Variants in GRB14 observed in about 807,000 individuals in gnomAD.
The protein encoded by GRB14 is growth factor receptor bound protein 14.
Under a neutral mutation model 69.1 loss-of-function variants are expected in GRB14, and 38 were observed. The observed-to-expected ratio is 0.55, with a 90% CI of 0.42 to 0.72. GRB14 has a LOEUF of 0.72. Ranked by LOEUF, GRB14 falls within the 30% of genes least tolerant of loss-of-function variation. The pLI, the probability that GRB14 is intolerant of heterozygous loss-of-function variation, is 0.00. For missense variants in GRB14, 666 were observed against 666.1 expected, an observed-to-expected ratio of 1.00 and a Z score of 0.00; for synonymous variants, 247 against 241.3, an observed-to-expected ratio of 1.02 and a Z score of -0.22.
In GRB14 at chr2:164,583,418, A is replaced by G. The variant is rs113280557; in HGVS notation, c.325-35602T>C. Reference sequence around the variant, plus strand: ...AAAAAGTAAATATACTGCTAATTCAAAGTGAATATTGAGTGGACATATTAA... The same window carrying G: ...AAAAAGTAAATATACTGCTAATTCAGAGTGAATATTGAGTGGACATATTAA... On this transcript the variant is annotated intron_variant, in intron 2 of 13. Transcript: ENST00000263915. 6.9e-4 allele frequency among the ~76,000 whole-genome samples: 105 copies of G among 152,362 alleles called. 1 individual carries two copies. Among genetic ancestry groups the G allele is most frequent in the African/African-American group, 2.4e-3 (100 of 41,584 alleles).
chr2:164,572,339 C>A (rs1456031319), intron 2 of GRB14, among the ~76,000 whole-genome samples: 1 of 152,180 alleles, frequency 6.6e-6, no homozygotes, highest in Non-Finnish European at 1.5e-5. Context: ...TGTATTCCCA[C>A]CTCTTTGTTC....
chr2:164,500,371 G>A (rs1687018356), intron 9 of GRB14, among the ~76,000 whole-genome samples: 2 of 151,940 alleles, frequency 1.3e-5, no homozygotes, highest in Admixed American at 6.6e-5. Flanking sequence ...ACCTGGAAAA[G>A]TTAGGAAAAG....
At chr2:164,504,711 G>A (rs540111172) in intron 8 of GRB14, among the ~76,000 whole-genome samples, 2 of 152,174 alleles carry the variant, frequency 1.3e-5, no homozygotes, top group Admixed American at 1.3e-4. Flanking sequence ...GTGGTAGGTA[G>A]AATAATGGTC....
chr2:164,546,840 C>T (rs1051165394), intron 3 of GRB14, among the ~76,000 whole-genome samples: 1 of 152,150 alleles, frequency 6.6e-6, no homozygotes, highest in African/African-American at 2.4e-5. Context: ...AAAGGAGACA[C>T]CAAATCAGAG....
chr2:164,509,971 A>G (rs1318979461), intron 6 of GRB14, among the ~76,000 whole-genome samples: 1 of 152,186 alleles, frequency 6.6e-6, no homozygotes, highest in Non-Finnish European at 1.5e-5. Context: ...TTTTAATCGA[A>G]TGAATGACTG....
intron 2 of GRB14, among the ~76,000 whole-genome samples, chr2:164,611,254 C>G (rs1690161129): frequency 6.6e-6 from 1 of 152,000 alleles, no homozygotes; most frequent in African/African-American, 2.4e-5. Flanking sequence ...CTGAAAGTTC[C>G]CTATAACAAG....
intron 2 of GRB14, among the ~76,000 whole-genome samples, chr2:164,587,380 T>A (rs563259485): frequency 6.6e-6 from 1 of 152,282 alleles, no homozygotes; most frequent in East Asian, 1.9e-4. Context: ...TGCTGGATGT[T>A]CATTATCTAA....
At chr2:164,529,974 A>G (rs551006713) in intron 3 of GRB14, among the ~76,000 whole-genome samples, 1 of 152,230 alleles carries the variant, frequency 6.6e-6, no homozygotes, top group Non-Finnish European at 1.5e-5. Context: ...AGTGGAGAAG[A>G]CAGTAACAAA....
chr2:164,604,146 A>G (rs1011741115), intron 2 of GRB14, among the ~76,000 whole-genome samples: 1 of 152,220 alleles, frequency 6.6e-6, no homozygotes, highest in Non-Finnish European at 1.5e-5. Flanking sequence ...TGGTGGGCAC[A>G]ACCACTTTGG....
At chr2:164,566,893 C>A (rs1688988598) in intron 2 of GRB14, among the ~76,000 whole-genome samples, 1 of 152,048 alleles carries the variant, frequency 6.6e-6, no homozygotes. Flanking sequence ...TGGATTTGCC[C>A]AAAGTCACAG....
At chr2:164,552,452 T>A (rs1688566025) in intron 2 of GRB14, among the ~76,000 whole-genome samples, 1 of 152,182 alleles carries the variant, frequency 6.6e-6, no homozygotes, top group Non-Finnish European at 1.5e-5. Flanking sequence ...TTTCTGCCTT[T>A]GAGTATATAA....
At chr2:164,495,132 G>A (rs1686858060) in intron 12 of GRB14, among the ~76,000 whole-genome samples, 2 of 152,026 alleles carry the variant, frequency 1.3e-5, no homozygotes, top group South Asian at 4.1e-4. Flanking sequence ...AGCAGAGACA[G>A]GGTTTCACCA....
chr2:164,550,009 T>C (rs11895606), intron 2 of GRB14, among the ~76,000 whole-genome samples: 64,214 of 151,804 alleles, frequency 0.42, 16,189 homozygotes, highest in Non-Finnish European at 0.56. Flanking sequence ...TATACTCAAG[T>C]AGTACAAGGA....
chr2:164,571,918 A>G (rs1689133346), intron 2 of GRB14, among the ~76,000 whole-genome samples: 1 of 152,234 alleles, frequency 6.6e-6, no homozygotes, highest in Non-Finnish European at 1.5e-5. Flanking sequence ...ACATTAGCAT[A>G]AAATGTCACA....
chr2:164,549,610 C>A (rs1434444764), intron 2 of GRB14, among the ~76,000 whole-genome samples: 1 of 152,114 alleles, frequency 6.6e-6, no homozygotes, highest in Non-Finnish European at 1.5e-5. Context: ...CATCTGTAAT[C>A]TCAGCACTTT....
chr2:164,608,199 C>T (rs528836753), intron 2 of GRB14, among the ~76,000 whole-genome samples: 15 of 152,134 alleles, frequency 9.9e-5, no homozygotes, highest in African/African-American at 3.6e-4. Flanking sequence ...TGATGAAACA[C>T]CATCTCTACT....
chr2:164,509,255 A>G lies in GRB14; in HGVS notation c.817-403T>C, dbSNP rs974565277. Among the ~76,000 whole-genome samples the G allele has an allele frequency of 2.6e-5, 4 of 152,208 alleles. No individual in the cohort carries two copies. The East Asian group carries it at 5.8e-4, about 22-fold the overall frequency. On this transcript the variant is annotated intron_variant, in intron 6 of 13. Coordinates refer to ENST00000263915, the MANE Select transcript of GRB14 (RefSeq NM_004490.3). ...GGGGAGAAGGTTGGTTTGAGCTTCC[A>G]TAGCAGTTAGAGAAGATAAATGAGA...
chr2:164,577,870 A>G (rs1315495092), intron 2 of GRB14, among the ~76,000 whole-genome samples: 1 of 152,266 alleles, frequency 6.6e-6, no homozygotes, highest in East Asian at 1.9e-4. Context: ...AATAGACTGT[A>G]ACATTAGACA....
chr2:164,534,673 T>C (rs1377690537), intron 3 of GRB14, among the ~76,000 whole-genome samples: 2 of 152,154 alleles, frequency 1.3e-5, no homozygotes, highest in African/African-American at 4.8e-5. Flanking sequence ...TGGACCTTTC[T>C]CCTACCAAGC....
Sources: allele counts gnomAD v4.1 joint callset (sites outside exome capture counted in the v4.1 genomes callset), GRCh38; gene constraint gnomAD v4.1.1; transcripts MANE v1.5; gene names NCBI Gene and HGNC (gene_info 2026-07-23, HGNC 2026-07-21).